BCAT1: variants seen among roughly 807,000 people sequenced by gnomAD.
The protein encoded by BCAT1 is branched chain amino acid transaminase 1.
In BCAT1, 48 loss-of-function variants were observed where a neutral mutation model predicts 52.4. That is an observed-to-expected ratio of 0.92 (90% CI 0.73 to 1.16). The LOEUF (loss-of-function observed/expected upper bound fraction) is 1.16. Among genes scored for constraint, BCAT1 ranks in the 50% most tolerant of loss-of-function variants. BCAT1 has a pLI of 0.00. For missense variants in BCAT1, 451 were observed against 457.1 expected, an observed-to-expected ratio of 0.99 and a Z score of 0.12; for synonymous variants, 167 against 161.3, an observed-to-expected ratio of 1.04 and a Z score of -0.27.
chr12:24,849,718 G>C, intron 6 of BCAT1, 68 bp downstream of exon 6: 2 of 1,469,762 alleles, frequency 1.4e-6, no homozygotes, highest in Non-Finnish European at 1.8e-6. Flanking sequence ...TCATACTGAA[G>C]TGAAATGGCA....
chr12:24,817,675 T>A lies in BCAT1; in HGVS notation c.*333A>T. On this transcript the variant is annotated 3_prime_UTR_variant, in exon 11 of 11. Transcript: ENST00000261192. ...TTTGTTTGAGGAGCAGAATGTAACT[T>A]ATATTAAAGAATAAACTACTATTTA... 1 of 214,738 alleles carries A rather than the reference T, an allele frequency of 4.7e-6. No homozygotes were observed. Among genetic ancestry groups the A allele is most frequent in the East Asian group, 1.0e-4 (1 of 9,908 alleles). The allele number at this position is 214,738 out of a possible 1,614,324, so 13.3% of individuals were successfully genotyped here. A position where few individuals can be genotyped will look rare whatever the true frequency, so the allele number is the denominator to read the frequency against.
chr12:24,839,095 C>T (rs759391583), intron 7 of BCAT1, among the ~76,000 whole-genome samples: 2 of 152,086 alleles, frequency 1.3e-5, no homozygotes, highest in African/African-American at 4.8e-5. Context: ...TTCTAATAGA[C>T]ACAGGTAAAC....
intron 5 of BCAT1, among the ~76,000 whole-genome samples, chr12:24,866,568 C>G (rs1265623929): frequency 6.6e-6 from 1 of 152,208 alleles, no homozygotes; most frequent in Non-Finnish European, 1.5e-5. Flanking sequence ...GCTCCTGAGT[C>G]TAGTGGGGAC....
chr12:24,948,882 A>G (rs1334955051), intron 1 of BCAT1, 45 bp downstream of exon 1: 3 of 1,579,120 alleles, frequency 1.9e-6, no homozygotes, highest in Non-Finnish European at 2.6e-6. Context: ...GGTTCGATTC[A>G]CGCACACATT....
chr12:24,844,356 G>A (rs761752733), intron 6 of BCAT1, among the ~76,000 whole-genome samples: 3 of 151,980 alleles, frequency 2.0e-5, no homozygotes, highest in Non-Finnish European at 2.9e-5. Context: ...GCTTGAACTC[G>A]GGAGGCGGAG....
At chr12:24,919,765 C>T (rs1324076789) in intron 1 of BCAT1, among the ~76,000 whole-genome samples, 1 of 152,232 alleles carries the variant, frequency 6.6e-6, no homozygotes, top group Non-Finnish European at 1.5e-5. Context: ...TGAATTGTAG[C>T]TCCACGTGTT....
rs372171648 is a variant in BCAT1 at position 24,849,924 on chromosome 12, G to A, written c.536C>T (p.Thr179Ile). 4 of 1,611,674 alleles carry A rather than the reference G, an allele frequency of 2.5e-6. No individual in the cohort carries two copies. In the South Asian group the frequency reaches 4.4e-5, roughly 18 times the overall value. ...TEPSLGVKKP[T>I]KALLFVLLSP... ...CAAGAGTACAAAGAGCAGGGCTTTG[G>A]TAGGCTTCTTGACTCCAAGAGAAGG... The change falls in exon 6 of 11, where the codon ACC becomes ATC. Residue 179 changes from threonine (T) to isoleucine (I), a missense_variant. Coordinates refer to ENST00000261192, the MANE Select transcript of BCAT1 (RefSeq NM_005504.7).
chr12:24,855,396 T>C (rs1323161096), intron 5 of BCAT1, among the ~76,000 whole-genome samples: 1 of 152,156 alleles, frequency 6.6e-6, no homozygotes, highest in African/African-American at 2.4e-5. Flanking sequence ...TTTTTTTAGA[T>C]GGAGTCTCAA....
chr12:24,920,521 T>C (rs952406314), intron 1 of BCAT1, among the ~76,000 whole-genome samples: 4 of 152,176 alleles, frequency 2.6e-5, no homozygotes, highest in African/African-American at 9.7e-5. Context: ...AGGGGCTGTT[T>C]CCCGAAAAAC....
At chr12:24,894,243 C>A in intron 3 of BCAT1, 32 bp downstream of exon 3, 2 of 1,600,660 alleles carry the variant, frequency 1.2e-6, no homozygotes, top group Non-Finnish European at 1.7e-6. Flanking sequence ...GAAGTGCAAG[C>A]ATGTCACTCT....
intron 5 of BCAT1, among the ~76,000 whole-genome samples, chr12:24,855,732 T>C (rs1328253485): frequency 6.6e-6 from 1 of 152,212 alleles, no homozygotes; most frequent in Non-Finnish European, 1.5e-5. Flanking sequence ...AGTCCGCCCA[T>C]GGGCCAGACC....
At chr12:24,896,300 G>T in intron 2 of BCAT1, among the ~76,000 whole-genome samples, 1 of 152,070 alleles carries the variant, frequency 6.6e-6, no homozygotes, top group East Asian at 1.9e-4. Flanking sequence ...GACTAGGTAG[G>T]GGGTCAGGCA....
At chr12:24,930,714 A>G (rs1262476877) in intron 1 of BCAT1, among the ~76,000 whole-genome samples, 1 of 151,962 alleles carries the variant, frequency 6.6e-6, no homozygotes, top group Non-Finnish European at 1.5e-5. Context: ...AAATAATCTT[A>G]TTTCCTTTCT....
At chr12:24,872,766 G>T (rs951870942) in intron 5 of BCAT1, among the ~76,000 whole-genome samples, 2 of 152,208 alleles carry the variant, frequency 1.3e-5, no homozygotes, top group Non-Finnish European at 2.9e-5. Context: ...AGTTTCCAGG[G>T]CTGTCTCTAG....
At chr12:24,941,378 G>A (rs747066900) in intron 1 of BCAT1, among the ~76,000 whole-genome samples, 15 of 152,176 alleles carry the variant, frequency 9.9e-5, no homozygotes, top group Non-Finnish European at 1.8e-4. Flanking sequence ...CATTAAGACC[G>A]TGTAAATACT....
intron 10 of BCAT1, among the ~76,000 whole-genome samples, chr12:24,824,268 TTCCCTCCCTCCCTCCC>T (rs1001701460): frequency 7.6e-5 from 11 of 144,624 alleles, no homozygotes; most frequent in East Asian, 2.0e-4. Flanking sequence ...CCTTCCTTCA[TTCCCTCCCTCCCTCCC>T]TCCCTCCCTC....
intron 1 of BCAT1, among the ~76,000 whole-genome samples, chr12:24,905,206 A>T (rs978317430): frequency 9.9e-5 from 15 of 152,238 alleles, no homozygotes; most frequent in Admixed American, 9.8e-4. Context: ...GAATAATTTT[A>T]AAAAGCAAAA....
chr12:24,868,531 A>G (rs908991520), intron 5 of BCAT1, among the ~76,000 whole-genome samples: 10 of 152,230 alleles, frequency 6.6e-5, no homozygotes, highest in Non-Finnish European at 1.3e-4. Flanking sequence ...TGGCACTGTA[A>G]TCAGTGAGGA....
chr12:24,947,099 G>A (rs1218386360), intron 1 of BCAT1, among the ~76,000 whole-genome samples: 1 of 151,008 alleles, frequency 6.6e-6, no homozygotes, highest in Non-Finnish European at 1.5e-5. Flanking sequence ...TCTGAGCCTA[G>A]CCTGAGGGGC....
Sources: gnomAD v4.1 joint callset for allele counts (sites outside exome capture counted in the v4.1 genomes callset) on GRCh38, gnomAD v4.1.1 for gene constraint, MANE v1.5 for transcripts, NCBI Gene and HGNC (gene_info 2026-07-23, HGNC 2026-07-21) for gene names.